The following SPAG16 variants were observed in gnomAD, a reference collection of about 807,000 sequenced individuals.
SPAG16 encodes the protein sperm associated antigen 16.
SPAG16 carries 86 observed loss-of-function variants against 80.4 expected under a neutral mutation model. That is an observed-to-expected ratio of 1.07 (90% CI 0.90 to 1.28). SPAG16 has a LOEUF of 1.28. Ranked by LOEUF, SPAG16 falls within the 50% of genes most tolerant of loss-of-function variation. The pLI, the probability that SPAG16 is intolerant of heterozygous loss-of-function variation, is 0.00. For synonymous variants in SPAG16, 294 were observed against 265.9 expected, an observed-to-expected ratio of 1.11 and a Z score of -1.03; for missense variants, 870 against 765.3, an observed-to-expected ratio of 1.14 and a Z score of -1.61.
intron 6 of SPAG16, among the ~76,000 whole-genome samples, chr2:213,342,587 C>T (rs1196217992): frequency 3.3e-5 from 5 of 151,630 alleles, no homozygotes. Flanking sequence ...TTTATAAATA[C>T]TGCTATGAAA....
intron 15 of SPAG16, among the ~76,000 whole-genome samples, chr2:214,260,566 CA>C (rs1691070261): frequency 6.6e-6 from 1 of 151,798 alleles, no homozygotes; most frequent in African/African-American, 2.4e-5. Flanking sequence ...GGTTATTTGT[CA>C]TCTATGCATG....
intron 11 of SPAG16, among the ~76,000 whole-genome samples, chr2:213,898,028 T>A (rs1415515684): frequency 6.6e-6 from 1 of 152,158 alleles, no homozygotes. Flanking sequence ...CCCACAACTG[T>A]GTTGTAGGTT....
chr2:213,541,785 G>A (rs2076455952), intron 10 of SPAG16, among the ~76,000 whole-genome samples: 1 of 152,074 alleles, frequency 6.6e-6, no homozygotes, highest in African/African-American at 2.4e-5. Context: ...TGCAAAAGCA[G>A]GTGGATAATT....
intron 12 of SPAG16, among the ~76,000 whole-genome samples, chr2:213,963,048 G>T: frequency 7.4e-6 from 1 of 135,510 alleles, no homozygotes; most frequent in Admixed American, 7.3e-5. Flanking sequence ...ATTTCCTACT[G>T]TTATTTTGTT....
intron 15 of SPAG16, among the ~76,000 whole-genome samples, chr2:214,259,908 GA>G (rs1691014498): frequency 6.6e-6 from 1 of 152,106 alleles, no homozygotes; most frequent in Non-Finnish European, 1.5e-5. Context: ...TTTCCATTAT[GA>G]AAGCTCAGGG....
intron 10 of SPAG16, among the ~76,000 whole-genome samples, chr2:213,686,762 C>G (rs747605113): frequency 2.9e-5 from 4 of 138,476 alleles, no homozygotes; most frequent in Non-Finnish European, 4.6e-5. Flanking sequence ...TCTCGGCTCA[C>G]TGCAACCTCC....
intron 14 of SPAG16, among the ~76,000 whole-genome samples, chr2:214,132,063 T>A (rs1055694570): frequency 2.0e-5 from 3 of 152,188 alleles, no homozygotes; most frequent in Admixed American, 1.3e-4. Context: ...GAAATCTTCA[T>A]ACTTTCCTCT....
At chr2:213,506,539 G>T (rs151233916) in intron 10 of SPAG16, among the ~76,000 whole-genome samples, 66 of 152,184 alleles carry the variant, frequency 4.3e-4, no homozygotes, top group African/African-American at 1.5e-3. Flanking sequence ...TTTAACTCAT[G>T]GTGATTAGAA....
intron 5 of SPAG16, among the ~76,000 whole-genome samples, chr2:213,338,365 A>G (rs2064493266): frequency 2.0e-5 from 3 of 152,212 alleles, no homozygotes; most frequent in Admixed American, 1.3e-4. Context: ...GATACATAAA[A>G]TATTAACCTT....
chr2:213,893,901 C>T lies in SPAG16; in HGVS notation c.1214+31273C>T, dbSNP rs190302070. Among the ~76,000 whole-genome samples, 702 of 152,152 alleles carry T rather than the reference C, an allele frequency of 4.6e-3. 4 individuals are homozygous for T. The highest frequency in any genetic ancestry group is 6.8e-3 in the Non-Finnish European group (461 of 67,978). ...AATGGCAGTAGTAAGTCCTTATTTA[C>T]AGTAATAACACTGAATGTAAATGAA... On this transcript the variant is annotated intron_variant, in intron 11 of 15. Transcript: ENST00000331683.
chr2:213,927,779 C>G (rs2078552246), intron 11 of SPAG16, among the ~76,000 whole-genome samples: 2 of 151,962 alleles, frequency 1.3e-5, no homozygotes, highest in Non-Finnish European at 2.9e-5. Context: ...GGTTTTTCAG[C>G]CACAGGCAGA....
rs1479964079 is a variant in SPAG16, at chr2:214,179,996, A to G, written c.1720+30730A>G. Among the ~76,000 whole-genome samples, 6 of 151,560 alleles carry G rather than the reference A, an allele frequency of 4.0e-5. No homozygotes were observed. In the East Asian group the frequency reaches 1.2e-3, roughly 29 times the overall value. On this transcript the variant is annotated intron_variant, in intron 15 of 15. Coordinates refer to ENST00000331683, the MANE Select transcript of SPAG16 (RefSeq NM_024532.5). Reference sequence around the variant, plus strand: ...TTCAGGAAAAGACTGTCAATTTTATATAAAACCTCTTAGATAAATAGTATG... The same window carrying G: ...TTCAGGAAAAGACTGTCAATTTTATGTAAAACCTCTTAGATAAATAGTATG...
chr2:213,594,184 CA>C (rs2060808640), intron 10 of SPAG16, among the ~76,000 whole-genome samples: 1 of 152,184 alleles, frequency 6.6e-6, no homozygotes, highest in Admixed American at 6.5e-5. Flanking sequence ...GTCAGACCCT[CA>C]TCATACCTAG....
intron 10 of SPAG16, among the ~76,000 whole-genome samples, chr2:213,582,027 G>A (rs974699296): frequency 2.0e-5 from 3 of 152,088 alleles, no homozygotes; most frequent in Non-Finnish European, 2.9e-5. Flanking sequence ...ACTATGGAAT[G>A]GAGGAAGAAT....
intron 11 of SPAG16, among the ~76,000 whole-genome samples, chr2:213,871,761 A>C (rs977414296): frequency 2.6e-5 from 4 of 151,940 alleles, no homozygotes; most frequent in African/African-American, 9.7e-5. Flanking sequence ...TTATTTGGCT[A>C]TTAAGCTAAT....
intron 10 of SPAG16, among the ~76,000 whole-genome samples, chr2:213,511,957 A>C (rs1196625665): frequency 6.6e-6 from 1 of 152,086 alleles, no homozygotes; most frequent in Non-Finnish European, 1.5e-5. Flanking sequence ...TATGAAGTCC[A>C]GAAAAACATT....
chr2:214,069,050 T>C (rs1255894437), intron 13 of SPAG16, among the ~76,000 whole-genome samples: 1 of 152,200 alleles, frequency 6.6e-6, no homozygotes, highest in African/African-American at 2.4e-5. Context: ...TATATGCTTT[T>C]AAAATATATT....
chr2:213,373,904 T>G (rs1456605948), intron 8 of SPAG16, among the ~76,000 whole-genome samples: 1 of 152,194 alleles, frequency 6.6e-6, no homozygotes, highest in Non-Finnish European at 1.5e-5. Context: ...ACCCCTGGAA[T>G]TTGAAGGGGA....
At chr2:213,677,709 C>T (rs146308246) in intron 10 of SPAG16, among the ~76,000 whole-genome samples, 5,881 of 152,144 alleles carry the variant, frequency 0.039, 360 homozygotes, top group African/African-American at 0.13. Flanking sequence ...GACAGATCAA[C>T]GAGACAAAAG....
Sources: allele counts gnomAD v4.1 joint callset (sites outside exome capture counted in the v4.1 genomes callset), GRCh38; gene constraint gnomAD v4.1.1; transcripts MANE v1.5; gene names NCBI Gene and HGNC (gene_info 2026-07-23, HGNC 2026-07-21).